Variants in ZNF134 observed in about 807,000 individuals in gnomAD.
ZNF134 encodes zinc finger protein 134.
A neutral mutation model predicts 2.5 loss-of-function variants in ZNF134; 5 were observed. The ratio of observed to expected loss-of-function variants is 2.03; its 90% CI spans 1.06 to 4.27. The LOEUF is 4.27. Ranked by LOEUF, ZNF134 falls within the 30% of genes most tolerant of loss-of-function variation. The pLI is 0.00. For missense variants in ZNF134, 540 were observed against 517.5 expected, an observed-to-expected ratio of 1.04 and a Z score of -0.42; for synonymous variants, 176 against 176.2, an observed-to-expected ratio of 1.00 and a Z score of 0.01.
chr19:57,621,809 T>C lies in ZNF134; in HGVS notation c.*406T>C, dbSNP rs1981231221. The C allele has an allele frequency of 3.0e-6, 1 of 328,436 alleles. No individual in the cohort carries two copies. The highest frequency in any genetic ancestry group is 4.0e-5 in the Admixed American group (1 of 24,832). 20.3% of individuals were successfully genotyped at this position (328,436 alleles called of 1,614,324 possible). Reference sequence around the variant, plus strand: ...AAGTTTACTTTCTTCATGGATATTCTTGGTCTCACATACTTGTAATCAAGT... The same window carrying C: ...AAGTTTACTTTCTTCATGGATATTCCTGGTCTCACATACTTGTAATCAAGT... On this transcript the variant is annotated 3_prime_UTR_variant, in exon 3 of 3. Coordinates refer to ENST00000396161, the MANE Select transcript of ZNF134 (RefSeq NM_003435.5).
intron 1 of ZNF134, among the ~76,000 whole-genome samples, chr19:57,617,285 A>C (rs1981080602): frequency 6.6e-6 from 1 of 152,182 alleles, no homozygotes; most frequent in South Asian, 2.1e-4. Context: ...AGGATGAAGG[A>C]AGGAATACCA....
At chr19:57,618,390 A>T (rs998583179) in intron 1 of ZNF134, among the ~76,000 whole-genome samples, 6 of 152,150 alleles carry the variant, frequency 3.9e-5, no homozygotes, top group African/African-American at 1.4e-4. Context: ...GTGTCCATAG[A>T]TGTAAAGGAG....
intron 1 of ZNF134, among the ~76,000 whole-genome samples, chr19:57,616,222 CAGGT>C (rs1008418900): frequency 2.6e-5 from 4 of 152,188 alleles, no homozygotes; most frequent in African/African-American, 9.7e-5. Context: ...GAATATGTAT[CAGGT>C]AGGCTGGTTT....
At position 57,620,513 on chromosome 19, in the gene ZNF134, T is replaced by G; in HGVS notation, c.394T>G (p.Phe132Val). ...AGAACCTCATCCGTCAGAGAAGCCC[T>G]TTACGTGTAAGGAGGAGCAGAAAAA... ...SKEPHPSEKPFTCKEEQKNFQ... is the reference protein window; with the variant it reads ...SKEPHPSEKPVTCKEEQKNFQ... The change falls in exon 3 of 3, where the codon TTT (phenylalanine) becomes GTT (valine). Residue 132 changes from phenylalanine (F) to valine (V), a missense_variant. Physicochemically the swap from Phe to Val is conservative, Grantham distance 50. Transcript: ENST00000396161. 1.2e-6 allele frequency: 2 copies of G among 1,614,194 alleles called. No individual in the cohort carries two copies. The highest frequency in any genetic ancestry group is 1.7e-6 in the Non-Finnish European group (2 of 1,180,026).
intron 1 of ZNF134, among the ~76,000 whole-genome samples, chr19:57,615,193 A>C (rs937920333): frequency 6.6e-6 from 1 of 152,064 alleles, no homozygotes; most frequent in Non-Finnish European, 1.5e-5. Flanking sequence ...GACTTGGTGA[A>C]TCTAAGGTGT....
Position 57,620,454 on chromosome 19 carries a change from A to T in ZNF134, c.335A>T (p.Glu112Val). The T allele has an allele frequency of 1.2e-6, 2 of 1,614,220 alleles. No individual in the cohort carries two copies. Among genetic ancestry groups the T allele is most frequent in the Non-Finnish European group, 1.7e-6 (2 of 1,180,032 alleles). ...CAACCCTTAAGAAGGGATAAAAGTG[A>T]GGCCTCAATTGTGAAGAACTGCACA... The part of the protein sequence containing the change: ...IEQPLRRDKS[E>V]ASIVKNCTVS... Residue 112 changes from glutamate (E) to valine (V), a missense_variant, in exon 3 of 3, where the codon GAG becomes GTG. Glu to Val is a moderately radical substitution (Grantham distance 121, BLOSUM62 -2). Coordinates refer to ENST00000396161, the MANE Select transcript of ZNF134 (RefSeq NM_003435.5).
At chr19:57,618,466 A>G (rs986327934) in intron 1 of ZNF134, among the ~76,000 whole-genome samples, 2 of 152,154 alleles carry the variant, frequency 1.3e-5, no homozygotes, top group African/African-American at 4.8e-5. Context: ...GAGCTTTGGT[A>G]TGGAGGGTTT....
intron 1 of ZNF134, 21 bp from the exon 2 acceptor site, chr19:57,619,391 C>G (rs372595824): frequency 1.9e-6 from 3 of 1,543,616 alleles, no homozygotes; most frequent in Non-Finnish European, 2.6e-6. Flanking sequence ...TCACCTTTCC[C>G]CTATGCTTTG....
At chr19:57,619,890 A>G (rs914717500) in intron 2 of ZNF134, among the ~76,000 whole-genome samples, 1 of 152,200 alleles carries the variant, frequency 6.6e-6, no homozygotes, top group African/African-American at 2.4e-5. Context: ...ACAGTCAGCC[A>G]AGGTCCTGCT....
At chr19:57,615,020 A>G (rs900747286) in intron 1 of ZNF134, among the ~76,000 whole-genome samples, 2 of 152,080 alleles carry the variant, frequency 1.3e-5, no homozygotes, top group Admixed American at 1.3e-4. Context: ...GATGGAACCA[A>G]TGGGGTTTCC....
At chr19:57,615,629 C>T (rs890673464) in intron 1 of ZNF134, among the ~76,000 whole-genome samples, 2 of 152,094 alleles carry the variant, frequency 1.3e-5, no homozygotes, top group African/African-American at 4.8e-5. Flanking sequence ...TATCTCTAAC[C>T]CATAGTCCCT....
Position 57,620,871 on chromosome 19 carries a change from A to C in ZNF134, c.752A>C (p.Lys251Thr), listed in dbSNP as rs1453125932. The change falls in exon 3 of 3, where the codon AAG (lysine) becomes ACG (threonine). Residue 251 changes from lysine (K) to threonine (T), a missense_variant. Transcript: ENST00000396161. ...CGAAAAGACAACCTTACTCAGCACA[A>C]GAGAATCCACACTGGAGAAATGCCT... Reference protein sequence around the residue: ...FSRKDNLTQHKRIHTGEMPYK... With the variant: ...FSRKDNLTQHTRIHTGEMPYK... 1.2e-6 allele frequency: 2 copies of C among 1,614,114 alleles called. No homozygotes were observed. Among genetic ancestry groups the C allele is most frequent in the Non-Finnish European group, 1.7e-6 (2 of 1,180,036 alleles).
chr19:57,621,328 T>C lies in ZNF134; in HGVS notation c.1209T>C (p.Ser403=), dbSNP rs539820437. The change falls in exon 3 of 3, where the codon AGT becomes AGC. Residue 403 remains serine, a synonymous_variant. Transcript: ENST00000396161. ...VHTGERPYEC[S]ECGKAYSLSS... ...CTGGAGAAAGGCCATATGAGTGCAG[T>C]GAATGTGGGAAGGCCTACAGCTTAA... 3.7e-5 allele frequency: 60 copies of C among 1,614,016 alleles called. No homozygotes were observed. The highest frequency in any genetic ancestry group is 4.9e-5 in the Non-Finnish European group (58 of 1,180,040).
In ZNF134 at chr19:57,621,487, G is replaced by T; in HGVS notation, c.*84G>T. 6.3e-7 allele frequency: 1 copy of T among 1,591,738 alleles called. No individual in the cohort carries two copies. Among genetic ancestry groups the T allele is most frequent in the Non-Finnish European group, 8.5e-7 (1 of 1,171,328 alleles). ...ATTGACACAAAGGAGATACCTTATG[G>T]TGCCAGGTACGTGGGAACCTTCTAG... is the stretch of plus-strand genomic sequence containing the variant. On this transcript the variant is annotated 3_prime_UTR_variant, in exon 3 of 3. Coordinates refer to ENST00000396161, the MANE Select transcript of ZNF134 (RefSeq NM_003435.5).
chr19:57,619,982 A>G (rs1283301502), intron 2 of ZNF134, among the ~76,000 whole-genome samples, 178 bp from the exon 3 acceptor site: 1 of 152,208 alleles, frequency 6.6e-6, no homozygotes, highest in African/African-American at 2.4e-5. Flanking sequence ...GGCCATCTCC[A>G]TTCTGTGACT....
At position 57,621,542 on chromosome 19, in the gene ZNF134, G is replaced by A. The variant is rs755742262; in HGVS notation, c.*139G>A. On this transcript the variant is annotated 3_prime_UTR_variant, in exon 3 of 3. Transcript: ENST00000396161. ...ATGTTGCACTTTCTGACTTGCTCAG[G>A]TTTTTTGCCAGAGTTATGTCACTGT... 9.5e-6 allele frequency: 13 copies of A among 1,372,546 alleles called. No homozygotes were observed. Among genetic ancestry groups the A allele is most frequent in the South Asian group, 4.7e-5 (4 of 85,826 alleles). The allele number at this position is 1,372,546 out of a possible 1,614,324, so 85.0% of individuals were successfully genotyped here.
intron 1 of ZNF134, among the ~76,000 whole-genome samples, chr19:57,616,506 A>G (rs1358057877): frequency 6.6e-6 from 1 of 152,250 alleles, no homozygotes; most frequent in Admixed American, 6.5e-5. Context: ...GACAAGCCTG[A>G]TACAAACAGT....
At position 57,621,879 on chromosome 19, in the gene ZNF134, A is replaced by C. The variant is rs115775338; in HGVS notation, c.*476A>C. ...CCTGGCCTGGGAAAGTACTTGCCTCATGTTGCTCTGGTTTGTGATAATAAA... is the reference window on the plus strand; with the variant it reads ...CCTGGCCTGGGAAAGTACTTGCCTCCTGTTGCTCTGGTTTGTGATAATAAA... On this transcript the variant is annotated 3_prime_UTR_variant, in exon 3 of 3. Transcript: ENST00000396161. 1,018 of 277,272 alleles carry C rather than the reference A, an allele frequency of 3.7e-3. 13 individuals carry two copies. Among genetic ancestry groups the C allele is most frequent in the African/African-American group, 0.021 (968 of 45,820 alleles). The allele number at this position is 277,272 out of a possible 1,614,324, so 17.2% of individuals were successfully genotyped here. A position where few individuals can be genotyped will look rare whatever the true frequency, so the allele number is the denominator to read the frequency against.
Position 57,623,249 on chromosome 19 carries a change from T to A in ZNF134, c.*1846T>A, listed in dbSNP as rs1981282979. On this transcript the variant is annotated 3_prime_UTR_variant, in exon 3 of 3. Transcript: ENST00000396161. ...CATGGTATGTATGAACAGTCCATTT[T>A]AAAATTACTGAGTCATATTCTGTAT... 1 of 152,248 alleles carries A rather than the reference T, an allele frequency of 6.6e-6. No homozygotes were observed. Among genetic ancestry groups the A allele is most frequent in the Non-Finnish European group, 1.5e-5 (1 of 68,042 alleles). The allele number at this position is 152,248 out of a possible 1,614,324, so 9.4% of individuals were successfully genotyped here. A position where few individuals can be genotyped will look rare whatever the true frequency, so the allele number is the denominator to read the frequency against.
Sources: allele counts gnomAD v4.1 joint callset (sites outside exome capture counted in the v4.1 genomes callset), GRCh38; gene constraint gnomAD v4.1.1; transcripts MANE v1.5; gene names NCBI Gene and HGNC (gene_info 2026-07-23, HGNC 2026-07-21).